CEP112: variants seen among roughly 807,000 people sequenced by gnomAD.
CEP112 encodes centrosomal protein of 112 kDa.
Under a neutral mutation model 153.0 loss-of-function variants are expected in CEP112, and 127 were observed. The ratio of observed to expected loss-of-function variants is 0.83; its 90% confidence interval spans 0.72 to 0.96. CEP112 has a LOEUF of 0.96. Ranked by LOEUF, CEP112 falls within the 40% of genes least tolerant of loss-of-function variation. The pLI, the probability that CEP112 is intolerant of heterozygous loss-of-function variation, is 0.00. For missense variants in CEP112, 1,089 were observed against 1,101.2 expected (o/e 0.99, Z 0.16); for synonymous variants, 358 against 374.4 (o/e 0.96, Z 0.51).
In CEP112 at chr17:65,891,682, C is replaced by T. The variant is rs533497962; in HGVS notation, c.2163+10470G>A. ...GCTTACAGCCTCTGTCTTCCCATCA[C>T]ATTTAAAATGCAATTCAAACTCTTC... On this transcript the variant is annotated intron_variant, in intron 20 of 26. Coordinates refer to ENST00000535342, the MANE Select transcript of CEP112 (RefSeq NM_001199165.4). Among the ~76,000 whole-genome samples the T allele has an allele frequency of 3.3e-5, 5 of 152,302 alleles. No homozygotes were observed. The East Asian group carries it at 5.8e-4, about 18-fold the overall frequency.
chr17:66,109,423 AT>A (rs529965771), intron 6 of CEP112, among the ~76,000 whole-genome samples: 3 of 151,968 alleles, frequency 2.0e-5, no homozygotes, highest in East Asian at 1.9e-4. Context: ...ACAAATTTAA[AT>A]TTTTTTTACA....
At chr17:65,806,559 G>A (rs2055611902) in intron 21 of CEP112, among the ~76,000 whole-genome samples, 2 of 152,204 alleles carry the variant, frequency 1.3e-5, no homozygotes, top group South Asian at 4.1e-4. Flanking sequence ...TACTGGGGGA[G>A]GGCCCTGGTG....
chr17:66,123,679 C>T (rs77159460), intron 6 of CEP112, among the ~76,000 whole-genome samples: 6,017 of 152,298 alleles, frequency 0.04, 155 homozygotes, highest in South Asian at 0.065. Context: ...GTATTTCATG[C>T]TGTAAATTTC....
At chr17:66,014,355 G>T (rs891637094) in intron 16 of CEP112, among the ~76,000 whole-genome samples, 18 of 152,202 alleles carry the variant, frequency 1.2e-4, no homozygotes, top group Non-Finnish European at 2.1e-4. Flanking sequence ...AGCAGGCAAA[G>T]CCAGGCTATG....
At chr17:65,776,504 C>T (rs978668024) in intron 21 of CEP112, among the ~76,000 whole-genome samples, 2 of 152,212 alleles carry the variant, frequency 1.3e-5, no homozygotes, top group Non-Finnish European at 1.5e-5. Flanking sequence ...GGATTACAGG[C>T]GTGAGCCACC....
Position 65,668,187 on chromosome 17 carries a change from C to T in CEP112, c.2697+20942G>A, listed in dbSNP as rs187619199. Among the ~76,000 whole-genome samples the T allele has an allele frequency of 5.9e-3, 905 of 152,164 alleles. 7 individuals are homozygous for T. Among genetic ancestry groups the T allele is most frequent in the African/African-American group, 0.02 (824 of 41,508 alleles). ...CTGGGATTCCAGGCATGAGCCACTG[C>T]GCCCGGCCTCCTTGGGCACTATTCT... is the stretch of plus-strand genomic sequence containing the variant. On this transcript the variant is annotated intron_variant, in intron 24 of 26. Coordinates refer to ENST00000535342, the MANE Select transcript of CEP112 (RefSeq NM_001199165.4).
At position 66,066,851 on chromosome 17, in the gene CEP112, T is replaced by C. The variant is rs749173692; in HGVS notation, c.882A>G (p.Ile294Met). 45 of 1,542,366 alleles carry C rather than the reference T, an allele frequency of 2.9e-5. No homozygotes were observed. The Admixed American group carries it at 9.5e-4, about 32-fold the overall frequency. Reference protein sequence around the residue: ...QKILERKNNEIEELKTLYRSK... With the variant: ...QKILERKNNEMEELKTLYRSK... ...TCCTGTATAAAGTTTTCAGTTCTTC[T>C]ATTTCATTATTCTTTCTTTCTAAAA... The change falls in exon 10 of 27, where the codon ATA (isoleucine) becomes ATG (methionine). Residue 294 changes from isoleucine (I) to methionine (M), a missense_variant. Coordinates refer to ENST00000535342, the MANE Select transcript of CEP112 (RefSeq NM_001199165.4).
At chr17:65,953,507 A>G (rs1296715434) in intron 18 of CEP112, among the ~76,000 whole-genome samples, 1 of 152,212 alleles carries the variant, frequency 6.6e-6, no homozygotes, top group South Asian at 2.1e-4. Context: ...GAGACAACAA[A>G]ACACTGAGAG....
chr17:65,916,147 T>A (rs893082229), intron 19 of CEP112, among the ~76,000 whole-genome samples: 1 of 152,044 alleles, frequency 6.6e-6, no homozygotes, highest in African/African-American at 2.4e-5. Context: ...ATAATAACCA[T>A]TTATAAAGTA....
rs372253330 is a variant in CEP112 at position 65,782,884 on chromosome 17, C to G, written c.2395-32160G>C. Among the ~76,000 whole-genome samples, 32 of 151,840 alleles carry G rather than the reference C, an allele frequency of 2.1e-4. No homozygotes were observed. The East Asian group carries it at 3.9e-3, about 18-fold the overall frequency. ...AGTACTATGCTCAGTAACTGGGTGA[C>G]AGGATCATTTGTACCATAGACTTCA... On this transcript the variant is annotated intron_variant, in intron 21 of 26. Transcript: ENST00000535342.
intron 21 of CEP112, among the ~76,000 whole-genome samples, chr17:65,762,541 T>C (rs1285561087): frequency 2.0e-5 from 3 of 152,024 alleles, no homozygotes; most frequent in Non-Finnish European, 4.4e-5. Flanking sequence ...TCCTGCATTT[T>C]GTGGGTTTTA....
At chr17:65,727,277 G>A (rs2050235440) in intron 23 of CEP112, among the ~76,000 whole-genome samples, 1 of 152,044 alleles carries the variant, frequency 6.6e-6, no homozygotes, top group Non-Finnish European at 1.5e-5. Flanking sequence ...AAGTTTGCTG[G>A]ACATTGATGT....
intron 4 of CEP112, among the ~76,000 whole-genome samples, chr17:66,167,756 TG>T (rs1350776712): frequency 5.9e-5 from 9 of 152,234 alleles, no homozygotes; most frequent in African/African-American, 1.7e-4. Context: ...GATCCATCAC[TG>T]GAAAAGTCAC....
At position 65,937,135 on chromosome 17, in the gene CEP112, T is replaced by G. The variant is rs1475825585; in HGVS notation, c.1873-9446A>C. Among the ~76,000 whole-genome samples the G allele has an allele frequency of 2.7e-5, 4 of 149,104 alleles. No homozygotes were observed. In the South Asian group the frequency reaches 9.2e-4, roughly 34 times the overall value. On this transcript the variant is annotated intron_variant, in intron 18 of 26. Transcript: ENST00000535342. ...ACTCAGTGCTCAATGGTGCCCAGGC[T>G]GGAGTGCAGTGGCATGATCTCGGCT...
chr17:65,638,322 C>G (rs981393141), intron 25 of CEP112, among the ~76,000 whole-genome samples: 3 of 152,228 alleles, frequency 2.0e-5, no homozygotes, highest in Non-Finnish European at 2.9e-5. Flanking sequence ...TTGGGGCCAA[C>G]TTATACCATG....
At chr17:65,769,655 A>G (rs2053218475) in intron 21 of CEP112, among the ~76,000 whole-genome samples, 1 of 152,078 alleles carries the variant, frequency 6.6e-6, no homozygotes, top group African/African-American at 2.4e-5. Flanking sequence ...ACAAGAAAAC[A>G]CAGTGAGGAA....
chr17:65,704,412 G>A (rs2048804812), intron 23 of CEP112, among the ~76,000 whole-genome samples: 1 of 129,816 alleles, frequency 7.7e-6, no homozygotes, highest in African/African-American at 3.2e-5. Context: ...CTTGTAAAAC[G>A]TGTAAAATAC....
intron 17 of CEP112, among the ~76,000 whole-genome samples, chr17:65,978,028 T>C (rs2063099434): frequency 6.6e-6 from 1 of 152,154 alleles, no homozygotes; most frequent in Admixed American, 6.5e-5. Context: ...TGAGCAGAGA[T>C]ACTGCCATCA....
chr17:65,950,232 A>G (rs1484862791), intron 18 of CEP112, among the ~76,000 whole-genome samples: 1 of 152,140 alleles, frequency 6.6e-6, no homozygotes, highest in African/African-American at 2.4e-5. Flanking sequence ...TTTACTAGTG[A>G]AAATAAAGAT....
Sources: gnomAD v4.1 joint callset for allele counts (sites outside exome capture counted in the v4.1 genomes callset) on GRCh38, gnomAD v4.1.1 for gene constraint, MANE v1.5 for transcripts, NCBI Gene and HGNC (gene_info 2026-07-23, HGNC 2026-07-21) for gene names.